The following CFAP61 variants were observed in gnomAD, a reference collection of about 807,000 sequenced individuals.
CFAP61 encodes the protein cilia and flagella associated protein 61, also known as cilia- and flagella-associated protein 61.
In CFAP61, 107 loss-of-function variants were observed where a neutral mutation model predicts 135.6. That is an observed-to-expected ratio of 0.79 (90% CI 0.67 to 0.93). The LOEUF (loss-of-function observed/expected upper bound fraction) is 0.93. CFAP61 is among the 40% of genes least tolerant of loss of function. The pLI is 0.00. For synonymous variants in CFAP61, 575 were observed against 578.5 expected, an observed-to-expected ratio of 0.99 and a Z score of 0.09; for missense variants, 1,507 against 1,556.2, an observed-to-expected ratio of 0.97 and a Z score of 0.53.
intron 25 of CFAP61, among the ~76,000 whole-genome samples, chr20:20,300,002 A>G (rs974424838): frequency 3.9e-5 from 6 of 152,194 alleles, no homozygotes; most frequent in African/African-American, 9.7e-5. Context: ...CCAGTCAACA[A>G]TGGGTCACAC....
At chr20:20,163,194 T>C (rs1403050557) in intron 10 of CFAP61, among the ~76,000 whole-genome samples, 2 of 152,224 alleles carry the variant, frequency 1.3e-5, no homozygotes, top group African/African-American at 2.4e-5. Context: ...TCCATATGCA[T>C]GTATTACTTT....
intron 25 of CFAP61, among the ~76,000 whole-genome samples, chr20:20,312,696 A>C (rs2056899755): frequency 6.6e-6 from 1 of 152,242 alleles, no homozygotes; most frequent in Non-Finnish European, 1.5e-5. Context: ...TCTTAAAAGC[A>C]ACAAAAGACA....
At chr20:20,155,793 A>C (rs2052852908) in intron 9 of CFAP61, among the ~76,000 whole-genome samples, 1 of 152,162 alleles carries the variant, frequency 6.6e-6, no homozygotes, top group African/African-American at 2.4e-5. Context: ...GGATGTGGTG[A>C]AAAGGGAAGA....
At chr20:20,082,088 G>A (rs1035898198) in intron 6 of CFAP61, among the ~76,000 whole-genome samples, 6 of 152,158 alleles carry the variant, frequency 3.9e-5, no homozygotes, top group Admixed American at 3.3e-4. Context: ...CCTTAACAAC[G>A]CTAGAAAAAT....
At chr20:20,329,504 A>G (rs575802443) in intron 25 of CFAP61, among the ~76,000 whole-genome samples, 23 of 152,254 alleles carry the variant, frequency 1.5e-4, no homozygotes, top group Admixed American at 1.4e-3. Context: ...TGCATTTAGC[A>G]GGGCCCCTTT....
chr20:20,172,943 G>A (rs564520703), intron 13 of CFAP61, among the ~76,000 whole-genome samples: 10 of 152,266 alleles, frequency 6.6e-5, no homozygotes, highest in Middle Eastern at 3.4e-3. Flanking sequence ...CTGTCTGTTC[G>A]TCCCTCGTTT....
chr20:20,163,456 G>T (rs1489386285), intron 10 of CFAP61, among the ~76,000 whole-genome samples: 1 of 152,090 alleles, frequency 6.6e-6, no homozygotes, highest in African/African-American at 2.4e-5. Flanking sequence ...TGCTTCTGGA[G>T]TTATTATAAT....
Position 20,246,116 on chromosome 20 carries a change from G to T in CFAP61, c.2061-1G>T. 6.3e-7 allele frequency: 1 copy of T among 1,584,642 alleles called. No individual in the cohort carries two copies. Among genetic ancestry groups the T allele is most frequent in the Non-Finnish European group, 8.6e-7 (1 of 1,159,190 alleles). On this transcript the variant is annotated splice_acceptor_variant, in intron 18 of 26. Coordinates refer to ENST00000245957, the MANE Select transcript of CFAP61 (RefSeq NM_015585.4). LOFTEE classifies it high-confidence loss of function. Reference sequence around the variant, plus strand: ...TCTTTTTCATTTTTCTTTTTCTTTAGCTCTCACATGAAGTTTAATAATCTT... The same window carrying T: ...TCTTTTTCATTTTTCTTTTTCTTTATCTCTCACATGAAGTTTAATAATCTT...
At chr20:20,201,738 G>A (rs566652634) in intron 17 of CFAP61, among the ~76,000 whole-genome samples, 2 of 152,338 alleles carry the variant, frequency 1.3e-5, no homozygotes, top group South Asian at 4.1e-4. Context: ...GGATGTGCCA[G>A]GCGTACAACC....
chr20:20,231,358 G>A (rs954288938), intron 18 of CFAP61, among the ~76,000 whole-genome samples: 1 of 152,146 alleles, frequency 6.6e-6, no homozygotes, highest in African/African-American at 2.4e-5. Context: ...CCAGCACCGG[G>A]AGACATGCAT....
intron 20 of CFAP61, among the ~76,000 whole-genome samples, chr20:20,258,820 C>T (rs942491888): frequency 1.3e-5 from 2 of 152,176 alleles, no homozygotes; most frequent in African/African-American, 4.8e-5. Context: ...GGAACTCTCA[C>T]CATACACTGA....
intron 14 of CFAP61, among the ~76,000 whole-genome samples, chr20:20,190,573 A>C (rs2055848471): frequency 2.6e-5 from 4 of 152,148 alleles, no homozygotes; most frequent in Admixed American, 2.0e-4. Context: ...AATCATGTGA[A>C]ACTTCATACA....
At chr20:20,207,229 TC>T (rs1273511633) in intron 17 of CFAP61, among the ~76,000 whole-genome samples, 2 of 152,156 alleles carry the variant, frequency 1.3e-5, no homozygotes, top group Non-Finnish European at 2.9e-5. Flanking sequence ...TGGGGGACTT[TC>T]TGTTTTTTTA....
At chr20:20,188,132 C>G in intron 14 of CFAP61, 76 bp downstream of exon 14, 6 of 1,510,944 alleles carry the variant, frequency 4.0e-6, no homozygotes, top group Non-Finnish European at 5.5e-6. Context: ...CCTGAAACTT[C>G]CTTGGATCTG....
intron 18 of CFAP61, among the ~76,000 whole-genome samples, chr20:20,239,200 G>A (rs1303098113): frequency 6.6e-6 from 1 of 152,072 alleles, no homozygotes; most frequent in African/African-American, 2.4e-5. Context: ...CAGTCTATTA[G>A]ACTTATGTAT....
chr20:20,063,685 G>T (rs1310349298), intron 2 of CFAP61, among the ~76,000 whole-genome samples: 1 of 152,168 alleles, frequency 6.6e-6, no homozygotes, highest in African/African-American at 2.4e-5. Context: ...GTTGTCATGA[G>T]ATCCTAGCTA....
At chr20:20,144,173 G>A (rs946834696) in intron 9 of CFAP61, among the ~76,000 whole-genome samples, 1 of 152,144 alleles carries the variant, frequency 6.6e-6, no homozygotes, top group African/African-American at 2.4e-5. Context: ...CACCCACCAA[G>A]ATGAAATTCA....
At chr20:20,054,009 G>GTTTTTTTTTTT (rs1491456523) in intron 1 of CFAP61, among the ~76,000 whole-genome samples, 1 of 88,846 alleles carries the variant, frequency 1.1e-5, no homozygotes, top group African/African-American at 4.0e-5. Context: ...TGTTTTTTTT[G>GTTTTTTTTTTT]TTTGTTTTTT....
intron 10 of CFAP61, among the ~76,000 whole-genome samples, chr20:20,163,102 T>A (rs937110998): frequency 6.6e-6 from 1 of 152,220 alleles, no homozygotes; most frequent in Non-Finnish European, 1.5e-5. Context: ...AAAGTTCTGT[T>A]CAATGGGGGT....
Sources: allele counts gnomAD v4.1 joint callset (sites outside exome capture counted in the v4.1 genomes callset), GRCh38; gene constraint gnomAD v4.1.1; transcripts MANE v1.5; gene names NCBI Gene and HGNC (gene_info 2026-07-23, HGNC 2026-07-21).